EEIG1: variants seen among roughly 807,000 people sequenced by gnomAD.
EEIG1 encodes the protein early estrogen-induced gene 1 protein.
At chr9:127,953,551 G>A in the EEIG1 span, 1 of 1,611,696 alleles carries the variant, frequency 6.2e-7, no homozygotes, top group Non-Finnish European at 8.5e-7. Context: ...CCATCCCACT[G>A]CCCCTTCACA....
the EEIG1 span, among the ~76,000 whole-genome samples, chr9:127,960,776 C>T: frequency 5.9e-5 from 9 of 152,238 alleles, no homozygotes; most frequent in South Asian, 1.9e-3. Context: ...GTTCCAGGGC[C>T]AAGCCAGAAA....
chr9:127,952,215 G>A, the EEIG1 span, among the ~76,000 whole-genome samples: 2 of 152,372 alleles, frequency 1.3e-5, no homozygotes, highest in South Asian at 4.1e-4. Context: ...CTCTGCTTCT[G>A]GAGAGGGACG....
At chr9:127,961,057 G>A in the EEIG1 span, among the ~76,000 whole-genome samples, 4 of 152,196 alleles carry the variant, frequency 2.6e-5, no homozygotes, top group African/African-American at 9.7e-5. Flanking sequence ...ACACTGAAAG[G>A]TGACTGCTAC....
the EEIG1 span, among the ~76,000 whole-genome samples, chr9:127,954,818 G>A: frequency 6.6e-6 from 1 of 152,208 alleles, no homozygotes; most frequent in Non-Finnish European, 1.5e-5. Flanking sequence ...TGGTCTTCTA[G>A]CCCCCCGGTT....
chr9:127,978,630 A>T, the EEIG1 span, among the ~76,000 whole-genome samples: 2 of 152,064 alleles, frequency 1.3e-5, no homozygotes, highest in Non-Finnish European at 2.9e-5. Flanking sequence ...ATTTGCAGTC[A>T]GGAGTTCGAG....
chr9:127,940,862 G>A, the EEIG1 span: 3 of 149,150 alleles, frequency 2.0e-5, no homozygotes. Flanking sequence ...CGGTAAACAG[G>A]AAAAAAAAAA....
chr9:127,954,267 C>T, the EEIG1 span, among the ~76,000 whole-genome samples: 1 of 152,200 alleles, frequency 6.6e-6, no homozygotes. Context: ...CAGTTCCCTG[C>T]ACTGCCATTA....
chr9:127,945,826 C>T, the EEIG1 span: 16 of 1,048,090 alleles, frequency 1.5e-5, no homozygotes, highest in Non-Finnish European at 2.0e-5. This position sits in a 1 kb window ranked among gnomAD's most constrained non-coding sequence, Gnocchi z 6.5. Context: ...CCCTTCACAA[C>T]GTGCCCTCAC....
At chr9:127,972,065 C>T in the EEIG1 span, among the ~76,000 whole-genome samples, 1 of 152,074 alleles carries the variant, frequency 6.6e-6, no homozygotes, top group Non-Finnish European at 1.5e-5. This position sits in a 1 kb window ranked among gnomAD's most constrained non-coding sequence, Gnocchi z 4.3. Context: ...CCTCTGCCTC[C>T]GTGGAGGCTG....
At chr9:127,948,030 GGCC>G in the EEIG1 span, 1 of 1,583,342 alleles carries the variant, frequency 6.3e-7, no homozygotes, top group Non-Finnish European at 8.6e-7. Context: ...AAACCCCTCG[GGCC>G]GCTAGCAGGG....
At chr9:127,948,530 C>T in the EEIG1 span, 1 of 999,250 alleles carries the variant, frequency 1.0e-6, no homozygotes, top group South Asian at 1.4e-5. Flanking sequence ...AATCCTGTCT[C>T]TCTGCCCCCT....
the EEIG1 span, among the ~76,000 whole-genome samples, chr9:127,946,358 A>G: frequency 6.6e-6 from 1 of 152,054 alleles, no homozygotes; most frequent in African/African-American, 2.4e-5. Flanking sequence ...CTTTCCTGGC[A>G]CTCCCCAGCA....
chr9:127,965,040 C>T, the EEIG1 span, among the ~76,000 whole-genome samples: 3 of 134,170 alleles, frequency 2.2e-5, no homozygotes, highest in Admixed American at 2.5e-4. Flanking sequence ...ACCCGGGAGG[C>T]GGAGGTTGCA....
At chr9:127,973,132 T>A in the EEIG1 span, among the ~76,000 whole-genome samples, 3 of 152,106 alleles carry the variant, frequency 2.0e-5, no homozygotes, top group Non-Finnish European at 4.4e-5. The surrounding 1 kb of genome is among the most constrained non-coding windows in gnomAD (Gnocchi z 4.2). Flanking sequence ...ACATCTAAAC[T>A]GGTTGTGCTT....
chr9:127,955,236 T>C, the EEIG1 span, among the ~76,000 whole-genome samples: 1 of 152,102 alleles, frequency 6.6e-6, no homozygotes, highest in Non-Finnish European at 1.5e-5. Context: ...CAGCCAAGCC[T>C]CCCCTGAGCA....
chr9:127,978,181 T>C, the EEIG1 span, among the ~76,000 whole-genome samples: 1 of 152,186 alleles, frequency 6.6e-6, no homozygotes, highest in Admixed American at 6.5e-5. Context: ...CACCCCACCC[T>C]GTCCACACCG....
At chr9:127,964,155 T>C in the EEIG1 span, among the ~76,000 whole-genome samples, 1 of 152,196 alleles carries the variant, frequency 6.6e-6, no homozygotes, top group African/African-American at 2.4e-5. Context: ...GGGAGCCCCA[T>C]CTTGGTGAGC....
chr9:127,961,717 G>C, the EEIG1 span, among the ~76,000 whole-genome samples: 1 of 152,250 alleles, frequency 6.6e-6, no homozygotes. Context: ...ATGAGGGCCA[G>C]AGAAGGTCTT....
chr9:127,958,542 G>A, the EEIG1 span, among the ~76,000 whole-genome samples: 235 of 152,118 alleles, frequency 1.5e-3, no homozygotes, highest in Non-Finnish European at 2.4e-3. Flanking sequence ...GTGCATGCCT[G>A]TAGTCCCAGC....
Sources: allele counts gnomAD v4.1 joint callset (sites outside exome capture counted in the v4.1 genomes callset), GRCh38; gene constraint gnomAD v4.1.1; non-coding constraint Gnocchi (gnomAD v3.1); transcripts MANE v1.5; gene names NCBI Gene and HGNC (gene_info 2026-07-23, HGNC 2026-07-21).